Variants in DOCK3 observed in about 807,000 individuals in gnomAD.
DOCK3 encodes dedicator of cytokinesis protein 3.
DOCK3 carries 60 observed loss-of-function variants against 265.6 expected under a neutral mutation model. The ratio of observed to expected loss-of-function variants is 0.23; its 90% confidence interval spans 0.18 to 0.28. The LOEUF (loss-of-function observed/expected upper bound fraction) is 0.28, where lower values mean the gene tolerates loss of function less well. Among genes scored for constraint, DOCK3 ranks in the 10% least tolerant of loss-of-function variants. DOCK3 has a pLI of 1.00. For synonymous variants in DOCK3, 881 were observed against 938.0 expected (o/e 0.94, Z 1.11); for missense variants, 1,981 against 2,594.3 (o/e 0.76, Z 5.14).
chr3:50,697,604 A>G (rs1178272901), intron 1 of DOCK3, among the ~76,000 whole-genome samples: 1 of 152,104 alleles, frequency 6.6e-6, no homozygotes, highest in African/African-American at 2.4e-5. Flanking sequence ...AAACAAACCA[A>G]CCAACCAACA....
intron 1 of DOCK3, among the ~76,000 whole-genome samples, chr3:50,759,373 C>G (rs889258848): frequency 2.0e-5 from 3 of 151,978 alleles, no homozygotes; most frequent in Non-Finnish European, 4.4e-5. Context: ...AATATTTGTT[C>G]TTTTTTATTT....
At position 51,250,394 on chromosome 3, in the gene DOCK3, G is replaced by A. The variant is rs545266758; in HGVS notation, c.2184+3587G>A. 2.1e-4 allele frequency among the ~76,000 whole-genome samples: 32 copies of A among 152,240 alleles called. No individual in the cohort carries two copies. The South Asian group carries it at 3.5e-3, about 17-fold the overall frequency. ...AGCACTTGGGGAGGCCAAGGCGGGC[G>A]GATCACCTGAGGTCAGGAGTTCAAG... On this transcript the variant is annotated intron_variant, in intron 22 of 52. Transcript: ENST00000266037.
intron 23 of DOCK3, among the ~76,000 whole-genome samples, chr3:51,267,608 A>G (rs2080265853): frequency 6.6e-6 from 1 of 151,696 alleles, no homozygotes; most frequent in Non-Finnish European, 1.5e-5. Context: ...CTAGTCTCGA[A>G]CTCCTGACCT....
At chr3:51,173,904 C>G (rs1208796845) in intron 12 of DOCK3, among the ~76,000 whole-genome samples, 1 of 151,940 alleles carries the variant, frequency 6.6e-6, no homozygotes, top group Admixed American at 6.6e-5. Context: ...CTTTTCTTTC[C>G]TCCTTCTGGG....
In DOCK3 at chr3:50,950,136, G is replaced by C. The variant is rs552423506; in HGVS notation, c.315+16059G>C. Among the ~76,000 whole-genome samples, 9 of 151,542 alleles carry C rather than the reference G, an allele frequency of 5.9e-5. No individual in the cohort carries two copies. The South Asian group carries it at 1.9e-3, about 32-fold the overall frequency. Reference sequence around the variant, plus strand: ...TTTTCAAGTTTGTGTGGTTCATTTTGACAGTCCTTTCTGCCTGTTATATAC... The same window carrying C: ...TTTTCAAGTTTGTGTGGTTCATTTTCACAGTCCTTTCTGCCTGTTATATAC... On this transcript the variant is annotated intron_variant, in intron 5 of 52. Coordinates refer to ENST00000266037, the MANE Select transcript of DOCK3 (RefSeq NM_004947.5).
intron 6 of DOCK3, among the ~76,000 whole-genome samples, chr3:51,074,899 C>T (rs563531921): frequency 1.3e-5 from 2 of 152,174 alleles, no homozygotes; most frequent in African/African-American, 4.8e-5. Flanking sequence ...AGATACATCT[C>T]TTTGCATTTA....
At chr3:51,149,126 A>C (rs1334178424) in intron 10 of DOCK3, among the ~76,000 whole-genome samples, 1 of 152,194 alleles carries the variant, frequency 6.6e-6, no homozygotes, top group African/African-American at 2.4e-5. Flanking sequence ...GAGTTCACTC[A>C]TGATTTGGCT....
rs756058036 is a variant in DOCK3, at chr3:51,016,148, GAT to G, written c.316-48293_316-48292del. On this transcript the variant is annotated intron_variant, in intron 5 of 52. Coordinates refer to ENST00000266037, the MANE Select transcript of DOCK3 (RefSeq NM_004947.5). ...ATATATATCATATATTTCTACATAT[GAT>G]ATATATCATATATTTCTACATATGA... Among the ~76,000 whole-genome samples the G allele has an allele frequency of 1.1e-3, 6 of 5,268 alleles. 3 individuals carry two copies. The highest frequency in any genetic ancestry group is 1.7e-3 in the Non-Finnish European group (6 of 3,608). 3.5% of individuals were successfully genotyped at this position (5,268 alleles called of 152,430 possible). A position where few individuals can be genotyped will look rare whatever the true frequency, so the allele number is the denominator to read the frequency against.
intron 1 of DOCK3, among the ~76,000 whole-genome samples, chr3:50,703,138 TC>T (rs1386285121): frequency 2.0e-5 from 3 of 152,248 alleles, no homozygotes; most frequent in Non-Finnish European, 4.4e-5. Context: ...ATGTGATATA[TC>T]ACATTTATTG....
At chr3:50,934,138 T>G (rs1168824487) in intron 5 of DOCK3, 61 bp downstream of exon 5, 1 of 1,143,132 alleles carries the variant, frequency 8.7e-7, no homozygotes, top group Non-Finnish European at 1.3e-6. Context: ...GTAAAAATAT[T>G]AAACTATGCT....
intron 1 of DOCK3, among the ~76,000 whole-genome samples, chr3:50,688,284 A>T: frequency 6.6e-6 from 1 of 151,320 alleles, no homozygotes; most frequent in African/African-American, 2.4e-5. Flanking sequence ...CTTTTGAAAA[A>T]CTCCAAAGGC....
At chr3:51,059,493 A>ACACC (rs1491303763) in intron 5 of DOCK3, among the ~76,000 whole-genome samples, 1 of 121,132 alleles carries the variant, frequency 8.3e-6, no homozygotes, top group African/African-American at 3.2e-5. Flanking sequence ...ACACACACAC[A>ACACC]CCCCACATCC....
intron 5 of DOCK3, among the ~76,000 whole-genome samples, chr3:51,028,477 TG>T (rs1338343187): frequency 4.6e-5 from 7 of 152,188 alleles, no homozygotes; most frequent in Non-Finnish European, 8.8e-5. Context: ...CTAGCAAGAT[TG>T]GGGAAATTTT....
intron 5 of DOCK3, among the ~76,000 whole-genome samples, chr3:51,038,773 T>G (rs1463589864): frequency 6.6e-6 from 1 of 152,146 alleles, no homozygotes; most frequent in Non-Finnish European, 1.5e-5. Context: ...AATGATCCTC[T>G]CTAATCTTAT....
chr3:50,807,271 T>C (rs1051976557), intron 2 of DOCK3, among the ~76,000 whole-genome samples: 4 of 145,916 alleles, frequency 2.7e-5, no homozygotes, highest in Non-Finnish European at 4.5e-5. Flanking sequence ...TTTTTTTTTT[T>C]TGGAGACAGG....
At chr3:51,327,920 G>T (rs1057502650) in intron 32 of DOCK3, among the ~76,000 whole-genome samples, 3 of 152,036 alleles carry the variant, frequency 2.0e-5, no homozygotes, top group Non-Finnish European at 4.4e-5. Flanking sequence ...GACCTCAGGT[G>T]ATCTGCCCGC....
chr3:51,309,612 GGAGAGGGAGAGC>G (rs1184231909), intron 27 of DOCK3, among the ~76,000 whole-genome samples: 50 of 139,588 alleles, frequency 3.6e-4, no homozygotes, highest in African/African-American at 1.0e-3. Context: ...AGAGGGAGAG[GGAGAGGGAGAGC>G]GAGAGCGAGA....
At chr3:50,865,751 T>TA (rs2107538080) in intron 3 of DOCK3, among the ~76,000 whole-genome samples, 1 of 152,360 alleles carries the variant, frequency 6.6e-6, no homozygotes, top group African/African-American at 2.4e-5. Flanking sequence ...GTGGTTGTAC[T>TA]AATTGACATT....
At position 51,324,516 on chromosome 3, in the gene DOCK3, A is replaced by G. The variant is rs781424639; in HGVS notation, c.3403-5622A>G. Among the ~76,000 whole-genome samples, 15 of 152,316 alleles carry G rather than the reference A, an allele frequency of 9.8e-5. 1 individual carries two copies. In the Middle Eastern group the frequency reaches 0.01, roughly 104 times the overall value. ...CAAACTAATTTGTAGATTCTATGCTATCTCCATCAAGCTACCGTTGACTTT... is the reference window on the plus strand; with the variant it reads ...CAAACTAATTTGTAGATTCTATGCTGTCTCCATCAAGCTACCGTTGACTTT... On this transcript the variant is annotated intron_variant, in intron 32 of 52. Transcript: ENST00000266037.
Sources: allele counts gnomAD v4.1 joint callset (sites outside exome capture counted in the v4.1 genomes callset), GRCh38; gene constraint gnomAD v4.1.1; transcripts MANE v1.5; gene names NCBI Gene and HGNC (gene_info 2026-07-23, HGNC 2026-07-21).